Variants in ADGRL3 observed in about 807,000 individuals in gnomAD.
ADGRL3 encodes the protein adhesion G protein-coupled receptor L3.
Under a neutral mutation model 153.5 loss-of-function variants are expected in ADGRL3, and 62 were observed. The observed-to-expected ratio is 0.40, with a 90% CI of 0.33 to 0.50. The LOEUF (loss-of-function observed/expected upper bound fraction) is 0.50, where lower values mean the gene tolerates loss of function less well. Ranked by LOEUF, ADGRL3 falls within the 20% of genes least tolerant of loss-of-function variation. The probability of loss-of-function intolerance (pLI) is 0.47; values close to 1 mark genes in which losing one functional copy is unlikely to be tolerated. For missense variants in ADGRL3, 1,641 were observed against 1,859.4 expected (o/e 0.88, Z 2.16); for synonymous variants, 710 against 672.5 (o/e 1.06, Z -0.86).
chr4:61,742,038 G>C (rs1442731215), intron 8 of ADGRL3, among the ~76,000 whole-genome samples: 4 of 152,174 alleles, frequency 2.6e-5, no homozygotes, highest in Non-Finnish European at 4.4e-5. Context: ...AGGGCAGGCA[G>C]GTGGAACTGG....
At chr4:61,528,237 G>T (rs1316152593) in intron 4 of ADGRL3, among the ~76,000 whole-genome samples, 2 of 152,060 alleles carry the variant, frequency 1.3e-5, no homozygotes, top group East Asian at 3.9e-4. Flanking sequence ...ATCACTTGCA[G>T]CAAGCCATCA....
chr4:61,318,213 A>AAAC (rs2095273481), intron 1 of ADGRL3, among the ~76,000 whole-genome samples: 1 of 147,230 alleles, frequency 6.8e-6, no homozygotes, highest in African/African-American at 2.6e-5. Context: ...AAAAAAAAAA[A>AAAC]ACACAAAACA....
chr4:61,677,410 TA>T, intron 6 of ADGRL3: 2 of 417,124 alleles, frequency 4.8e-6, no homozygotes, highest in South Asian at 1.8e-5. Context: ...AAAGAAAAAA[TA>T]AAGATTAAAA....
chr4:61,716,249 T>G (rs566840419), intron 6 of ADGRL3, among the ~76,000 whole-genome samples: 1 of 152,106 alleles, frequency 6.6e-6, no homozygotes, highest in Non-Finnish European at 1.5e-5. Flanking sequence ...AGATAGAACC[T>G]TTTAAAAATC....
intron 8 of ADGRL3, among the ~76,000 whole-genome samples, chr4:61,805,499 C>T (rs923001133): frequency 3.5e-4 from 53 of 152,094 alleles, no homozygotes; most frequent in African/African-American, 1.3e-3. Flanking sequence ...TTCTGTGGTT[C>T]TAGAGGCAAA....
At chr4:61,301,425 A>G (rs2094577871) in intron 1 of ADGRL3, among the ~76,000 whole-genome samples, 1 of 152,240 alleles carries the variant, frequency 6.6e-6, no homozygotes, top group Non-Finnish European at 1.5e-5. Flanking sequence ...TCACAGGATC[A>G]TATTAACTGC....
chr4:62,051,801 G>A (rs570625876), intron 25 of ADGRL3, among the ~76,000 whole-genome samples: 78 of 151,818 alleles, frequency 5.1e-4, no homozygotes, highest in African/African-American at 1.9e-3. Flanking sequence ...GCTTCAGTGA[G>A]CTACCTTGAT....
At chr4:61,648,009 C>T (rs1023306518) in intron 5 of ADGRL3, among the ~76,000 whole-genome samples, 2 of 152,174 alleles carry the variant, frequency 1.3e-5, no homozygotes, top group African/African-American at 4.8e-5. Flanking sequence ...ACACACACAA[C>T]ATATTCTTAT....
chr4:61,596,476 T>C (rs2098989565), intron 5 of ADGRL3, among the ~76,000 whole-genome samples: 1 of 152,194 alleles, frequency 6.6e-6, no homozygotes, highest in South Asian at 2.1e-4. Context: ...AGTTTATTAT[T>C]GTGTAGCATT....
chr4:61,793,561 A>G (rs959252450), intron 8 of ADGRL3, among the ~76,000 whole-genome samples: 1 of 152,142 alleles, frequency 6.6e-6, no homozygotes, highest in African/African-American at 2.4e-5. Flanking sequence ...GAGAATTACA[A>G]TTCAAGATGA....
chr4:62,010,117 A>C (rs1042861784), intron 21 of ADGRL3, among the ~76,000 whole-genome samples: 3 of 152,078 alleles, frequency 2.0e-5, no homozygotes, highest in Non-Finnish European at 4.4e-5. Flanking sequence ...GGAAGTTTTC[A>C]TGGAGGTTTT....
At chr4:61,486,909 G>C (rs949630092) in intron 2 of ADGRL3, among the ~76,000 whole-genome samples, 1 of 152,098 alleles carries the variant, frequency 6.6e-6, no homozygotes, top group Non-Finnish European at 1.5e-5. Context: ...AGTAAAATGG[G>C]TTATTGCTAT....
intron 11 of ADGRL3, among the ~76,000 whole-genome samples, chr4:61,904,806 A>G (rs976060541): frequency 2.0e-5 from 3 of 152,148 alleles, no homozygotes; most frequent in South Asian, 2.1e-4. Flanking sequence ...CAATACTTGT[A>G]TCCTTCGTTT....
chr4:61,665,481 C>T (rs956078801), intron 5 of ADGRL3, among the ~76,000 whole-genome samples: 5 of 151,918 alleles, frequency 3.3e-5, no homozygotes, highest in Non-Finnish European at 5.9e-5. Flanking sequence ...ATTATGTTAT[C>T]GTCTCCAAGT....
intron 24 of ADGRL3, among the ~76,000 whole-genome samples, chr4:62,039,086 A>T (rs1257986445): frequency 6.6e-6 from 1 of 152,146 alleles, no homozygotes; most frequent in African/African-American, 2.4e-5. Flanking sequence ...AAATTTGGTT[A>T]TTTTATATAA....
intron 2 of ADGRL3, among the ~76,000 whole-genome samples, chr4:61,474,268 T>A (rs1485988555): frequency 1.3e-5 from 2 of 152,178 alleles, no homozygotes; most frequent in Non-Finnish European, 2.9e-5. Context: ...GAATAACTTC[T>A]AAATAGGGAA....
chr4:61,326,370 TA>T (rs1333206688), intron 1 of ADGRL3, among the ~76,000 whole-genome samples: 1 of 152,016 alleles, frequency 6.6e-6, no homozygotes, highest in Non-Finnish European at 1.5e-5. Flanking sequence ...TCTTTCAATA[TA>T]AAAAAGTTTA....
intron 25 of ADGRL3, among the ~76,000 whole-genome samples, chr4:62,046,195 C>G (rs1731037346): frequency 6.6e-6 from 1 of 151,564 alleles, no homozygotes; most frequent in African/African-American, 2.4e-5. Flanking sequence ...ATCCCGGAAG[C>G]CATTGAATAA....
chr4:61,489,486 AAT>A (rs146710718), intron 2 of ADGRL3, among the ~76,000 whole-genome samples: 1,609 of 152,160 alleles, frequency 0.011, 21 homozygotes, highest in East Asian at 0.062. Flanking sequence ...TGTGTTATAA[AAT>A]ATACATCTAT....
Sources: gnomAD v4.1 joint callset for allele counts (sites outside exome capture counted in the v4.1 genomes callset) on GRCh38, gnomAD v4.1.1 for gene constraint, MANE v1.5 for transcripts, NCBI Gene and HGNC (gene_info 2026-07-23, HGNC 2026-07-21) for gene names.